Variants in DOK6 observed in about 807,000 individuals in gnomAD.
DOK6 encodes the protein downstream of tyrosine kinase 6.
DOK6 carries 22 observed loss-of-function variants against 44.0 expected under a neutral mutation model. The ratio of observed to expected loss-of-function variants is 0.50; its 90% CI spans 0.36 to 0.71. DOK6 has a LOEUF of 0.71. Among genes scored for constraint, DOK6 ranks in the 30% least tolerant of loss-of-function variants. The probability of loss-of-function intolerance (pLI) is 0.00; values close to 1 mark genes in which losing one functional copy is unlikely to be tolerated. For missense variants in DOK6, 340 were observed against 416.4 expected (o/e 0.82, Z 1.60); for synonymous variants, 166 against 145.5 (o/e 1.14, Z -1.01).
chr18:69,593,470 G>A (rs1192772559), intron 2 of DOK6, among the ~76,000 whole-genome samples: 1 of 151,914 alleles, frequency 6.6e-6, no homozygotes, highest in African/African-American at 2.4e-5. Flanking sequence ...GGTACATGCT[G>A]AAGTGGATAA....
At chr18:69,822,969 G>A (rs1443983038) in intron 7 of DOK6, among the ~76,000 whole-genome samples, 1 of 152,020 alleles carries the variant, frequency 6.6e-6, no homozygotes, top group Middle Eastern at 3.2e-3. Context: ...ATAAAGGATT[G>A]TCATTTCCCC....
At chr18:69,403,532 A>C (rs1488410757) in intron 1 of DOK6, among the ~76,000 whole-genome samples, 1 of 152,230 alleles carries the variant, frequency 6.6e-6, no homozygotes. Flanking sequence ...GTTCATATAA[A>C]AGTTAATTGC....
chr18:69,806,355 T>C (rs949716690), intron 7 of DOK6, among the ~76,000 whole-genome samples: 1 of 152,042 alleles, frequency 6.6e-6, no homozygotes, highest in African/African-American at 2.4e-5. Flanking sequence ...TTGTGCTGTA[T>C]GTTAAATTTT....
chr18:69,570,604 C>T (rs1428495888), intron 2 of DOK6, among the ~76,000 whole-genome samples: 1 of 151,888 alleles, frequency 6.6e-6, no homozygotes, highest in Non-Finnish European at 1.5e-5. Flanking sequence ...GAATTTGAAG[C>T]AGGATGTTTG....
At chr18:69,690,287 C>T (rs1010942697) in intron 4 of DOK6, among the ~76,000 whole-genome samples, 1 of 152,026 alleles carries the variant, frequency 6.6e-6, no homozygotes, top group African/African-American at 2.4e-5. Context: ...GCAACTAAAT[C>T]TATTGCTATT....
chr18:69,543,421 A>G (rs948940198), intron 1 of DOK6, among the ~76,000 whole-genome samples: 7 of 151,618 alleles, frequency 4.6e-5, no homozygotes, highest in African/African-American at 1.7e-4. Context: ...GACTTCACAA[A>G]GAAACAAGGA....
intron 3 of DOK6, among the ~76,000 whole-genome samples, chr18:69,666,708 G>A (rs1348373938): frequency 6.6e-6 from 1 of 152,164 alleles, no homozygotes; most frequent in Non-Finnish European, 1.5e-5. Flanking sequence ...TGAAGGAATG[G>A]AATGAGTTAG....
At chr18:69,408,326 A>C (rs1568247770) in intron 1 of DOK6, among the ~76,000 whole-genome samples, 2 of 152,200 alleles carry the variant, frequency 1.3e-5, no homozygotes, top group Admixed American at 1.3e-4. Flanking sequence ...TACTTAGTGA[A>C]ATAATTTATG....
chr18:69,818,413 G>A (rs1599342248), intron 7 of DOK6, among the ~76,000 whole-genome samples: 1 of 152,142 alleles, frequency 6.6e-6, no homozygotes, highest in East Asian at 1.9e-4. Context: ...CGAAGAACTG[G>A]AGTATGTGAT....
intron 3 of DOK6, among the ~76,000 whole-genome samples, chr18:69,634,370 A>G (rs1984756249): frequency 6.6e-6 from 1 of 152,214 alleles, no homozygotes; most frequent in South Asian, 2.1e-4. Context: ...CCCAGCAAAG[A>G]CATTTAAAAA....
intron 7 of DOK6, among the ~76,000 whole-genome samples, chr18:69,769,527 A>T (rs1037723640): frequency 6.6e-6 from 1 of 152,086 alleles, no homozygotes. Context: ...AAAATATTTT[A>T]AAAATTGTCC....
chr18:69,551,874 T>C (rs1982574132), intron 1 of DOK6, among the ~76,000 whole-genome samples: 1 of 152,224 alleles, frequency 6.6e-6, no homozygotes, highest in Non-Finnish European at 1.5e-5. Context: ...TGATTATTAA[T>C]GTTCTTACGT....
chr18:69,656,461 C>T (rs922093299), intron 3 of DOK6, among the ~76,000 whole-genome samples: 3 of 152,144 alleles, frequency 2.0e-5, no homozygotes, highest in Non-Finnish European at 2.9e-5. Context: ...GAGTAAATTA[C>T]TCCACCTCTC....
chr18:69,536,077 T>C (rs1982115304), intron 1 of DOK6, among the ~76,000 whole-genome samples: 1 of 152,168 alleles, frequency 6.6e-6, no homozygotes, highest in Non-Finnish European at 1.5e-5. Flanking sequence ...ATCAGGCATT[T>C]ACCAAGAACT....
chr18:69,578,898 G>A (rs1983299377), intron 2 of DOK6, among the ~76,000 whole-genome samples: 1 of 151,656 alleles, frequency 6.6e-6, no homozygotes, highest in South Asian at 2.1e-4. Context: ...AGCATCCTTT[G>A]AAATAAATAA....
chr18:69,731,862 T>G (rs937964094), intron 5 of DOK6, among the ~76,000 whole-genome samples: 1 of 152,202 alleles, frequency 6.6e-6, no homozygotes, highest in African/African-American at 2.4e-5. Flanking sequence ...GCTTGTCTTC[T>G]TTTGTTATTA....
chr18:69,602,704 A>G (rs1187498221), intron 3 of DOK6, among the ~76,000 whole-genome samples: 2 of 152,230 alleles, frequency 1.3e-5, no homozygotes, highest in Non-Finnish European at 2.9e-5. Context: ...TAATTCTTTC[A>G]ATCTAAAACT....
At chr18:69,460,104 AC>A (rs1228245622) in intron 1 of DOK6, among the ~76,000 whole-genome samples, 5 of 152,158 alleles carry the variant, frequency 3.3e-5, no homozygotes, top group African/African-American at 9.7e-5. Flanking sequence ...GTTTTTAAGC[AC>A]TTCTGTACTT....
chr18:69,497,153 A>G (rs1980913947), intron 1 of DOK6, among the ~76,000 whole-genome samples: 1 of 152,234 alleles, frequency 6.6e-6, no homozygotes. Flanking sequence ...AGATTAGGGT[A>G]AATATGTAAT....
Sources: gnomAD v4.1 joint callset for allele counts (sites outside exome capture counted in the v4.1 genomes callset) on GRCh38, gnomAD v4.1.1 for gene constraint, MANE v1.5 for transcripts, NCBI Gene and HGNC (gene_info 2026-07-23, HGNC 2026-07-21) for gene names.